Variants in CRBN observed in about 807,000 individuals in gnomAD.
The protein encoded by CRBN is protein cereblon.
In CRBN, 53 loss-of-function variants were observed where a neutral mutation model predicts 62.2. That is an observed-to-expected ratio of 0.85 (90% CI 0.68 to 1.07). CRBN has a LOEUF of 1.07. Among genes scored for constraint, CRBN ranks in the 50% least tolerant of loss-of-function variants. CRBN has a pLI of 0.00. For missense variants in CRBN, 616 were observed against 531.1 expected (o/e 1.16, Z -1.57); for synonymous variants, 208 against 176.1 (o/e 1.18, Z -1.43).
chr3:3,171,127 C>T (rs1707593724), intron 4 of CRBN, among the ~76,000 whole-genome samples: 1 of 152,080 alleles, frequency 6.6e-6, no homozygotes, highest in African/African-American at 2.4e-5. Context: ...TTACTAGAGT[C>T]AAAAATCCAT....
At chr3:3,170,781 T>C (rs1051265218) in intron 4 of CRBN, among the ~76,000 whole-genome samples, 1 of 152,180 alleles carries the variant, frequency 6.6e-6, no homozygotes, top group Non-Finnish European at 1.5e-5. Flanking sequence ...TTCCAAGTCT[T>C]GTCCACCTGT....
intron 4 of CRBN, chr3:3,172,345 C>A: frequency 5.7e-6 from 1 of 174,404 alleles, no homozygotes; most frequent in Non-Finnish European, 1.2e-5. Flanking sequence ...CTACAAAAAC[C>A]ACAGCTGTCC....
downstream of CRBN, chr3:3,149,729 T>G (rs1268113152): frequency 1.3e-5 from 2 of 152,180 alleles, no homozygotes; most frequent in African/African-American, 4.8e-5. Context: ...AATTTTCATT[T>G]ACTCTATTTA....
chr3:3,150,757 A>T lies in CRBN; in HGVS notation c.*108T>A. On this transcript the variant is annotated 3_prime_UTR_variant, in exon 11 of 11. Transcript: ENST00000231948. ...CCTCCAAGTAATGTTATGTTTACTT[A>T]GGTATTAATGTTATGTTTACTTAGG... The T allele has an allele frequency of 9.6e-7, 1 of 1,037,380 alleles. No homozygotes were observed. Among genetic ancestry groups the T allele is most frequent in the Non-Finnish European group, 1.4e-6 (1 of 702,392 alleles). 64.3% of individuals were successfully genotyped at this position (1,037,380 alleles called of 1,614,324 possible).
intron 4 of CRBN, among the ~76,000 whole-genome samples, chr3:3,169,213 T>C (rs1390743285): frequency 1.3e-5 from 2 of 152,178 alleles, no homozygotes; most frequent in African/African-American, 4.8e-5. Context: ...TAAGGAATGC[T>C]CTCCTTTACC....
chr3:3,158,875 A>C (rs148521498), intron 5 of CRBN, among the ~76,000 whole-genome samples: 1 of 152,306 alleles, frequency 6.6e-6, no homozygotes, highest in African/African-American at 2.4e-5. Context: ...CTTGAATTGT[A>C]GTTCCCATAA....
At chr3:3,155,041 T>A (rs1437640099) in intron 6 of CRBN, 1 of 586,514 alleles carries the variant, frequency 1.7e-6, no homozygotes. Context: ...CTTTTCTCAC[T>A]CACTGTCTTA....
At chr3:3,159,102 A>AGCC (rs1707031267) in intron 5 of CRBN, among the ~76,000 whole-genome samples, 1 of 152,188 alleles carries the variant, frequency 6.6e-6, no homozygotes, top group Non-Finnish European at 1.5e-5. Flanking sequence ...AGGCTTCCCT[A>AGCC]GCCATGCTGA....
At chr3:3,164,397 T>C (rs529798432) in intron 5 of CRBN, among the ~76,000 whole-genome samples, 1 of 152,334 alleles carries the variant, frequency 6.6e-6, no homozygotes, top group East Asian at 1.9e-4. Context: ...TTTAATGGTC[T>C]GGACAGAAGA....
chr3:3,172,818 C>G lies in CRBN; in HGVS notation c.485G>C (p.Arg162Thr), dbSNP rs929162196. The G allele has an allele frequency of 6.2e-7, 1 of 1,614,028 alleles. No homozygotes were observed. Among genetic ancestry groups the G allele is most frequent in the Non-Finnish European group, 8.5e-7 (1 of 1,179,906 alleles). ...TAGCTCAAGGACTTTGAACCTTTGT[C>G]TTCCAATTGCTTTCACTTTCACTAT... ...IEIVKVKAIG[R>T]QRFKVLELRT... Residue 162 changes from arginine (R) to threonine (T), a missense_variant, in exon 4 of 11, where the codon AGA becomes ACA. Coordinates refer to ENST00000231948, the MANE Select transcript of CRBN (RefSeq NM_016302.4).
At chr3:3,179,408 T>G (rs1707972990) in intron 1 of CRBN, among the ~76,000 whole-genome samples, 1 of 152,168 alleles carries the variant, frequency 6.6e-6, no homozygotes, top group Non-Finnish European at 1.5e-5. Flanking sequence ...CCCGACACCC[T>G]GGCTCACGGC....
chr3:3,167,390 T>C, intron 5 of CRBN: 1 of 394,646 alleles, frequency 2.5e-6, no homozygotes, highest in Non-Finnish European at 4.6e-6. Context: ...TCAAAAGCGA[T>C]TAATATAGCT....
chr3:3,171,858 G>T lies in CRBN; in HGVS notation c.527+918C>A, dbSNP rs576009643. On this transcript the variant is annotated intron_variant, in intron 4 of 10. Coordinates refer to ENST00000231948, the MANE Select transcript of CRBN (RefSeq NM_016302.4). ...AAGATACCACCTGGGCAACACAGAG[G>T]TCTGATGAGATTTTCAACTGTGGGT... 1.2e-4 allele frequency among the ~76,000 whole-genome samples: 18 copies of T among 152,274 alleles called. No homozygotes were observed. The East Asian group carries it at 3.3e-3, about 28-fold the overall frequency.
intron 4 of CRBN, 130 bp from the exon 5 acceptor site, chr3:3,167,923 A>G: frequency 2.5e-6 from 2 of 797,030 alleles, no homozygotes; most frequent in Non-Finnish European, 4.1e-6. Flanking sequence ...TATTCATCAA[A>G]TACTGATGTT....
chr3:3,151,890 C>G (rs1446954568), intron 10 of CRBN, among the ~76,000 whole-genome samples: 2 of 152,166 alleles, frequency 1.3e-5, no homozygotes. Context: ...CCTTCTTAGT[C>G]TATCATTGCT....
chr3:3,152,415 T>TA (rs753190367), intron 10 of CRBN, 41 bp downstream of exon 10: 31 of 1,582,238 alleles, frequency 2.0e-5, no homozygotes, highest in Middle Eastern at 1.7e-4. Context: ...CCAATTAAGG[T>TA]AAAAAAAGAA....
chr3:3,153,114 G>T, intron 9 of CRBN: 1 of 330,010 alleles, frequency 3.0e-6, no homozygotes, highest in Non-Finnish European at 5.7e-6. Flanking sequence ...AATTTCTGAA[G>T]CATCTATGTT....
rs752968990 is a variant in CRBN, at chr3:3,179,669, G to C, written c.19C>G (p.Gln7Glu). Residue 7 changes from glutamine (Q) to glutamate (E), a missense_variant, in exon 1 of 11, where the codon CAG (glutamine) becomes GAG (glutamate). By Grantham distance (29) the Gln-to-Glu change is conservative. Coordinates refer to ENST00000231948, the MANE Select transcript of CRBN (RefSeq NM_016302.4). MAGEGDQQDAAHNMGNH... is the reference protein window; with the variant it reads MAGEGDEQDAAHNMGNH... ...CCCATGTTGTGCGCAGCGTCCTGCTGATCTCCTTCGCCGGCCATGTCTGTT... is the reference window on the plus strand; with the variant it reads ...CCCATGTTGTGCGCAGCGTCCTGCTCATCTCCTTCGCCGGCCATGTCTGTT... 3.1e-6 allele frequency: 5 copies of C among 1,613,056 alleles called. No individual in the cohort carries two copies. Among genetic ancestry groups the C allele is most frequent in the African/African-American group, 1.3e-5 (1 of 75,050 alleles).
At chr3:3,173,946 T>C (rs1024790795) in intron 3 of CRBN, 113 bp downstream of exon 3, 2 of 919,210 alleles carry the variant, frequency 2.2e-6, no homozygotes, top group African/African-American at 3.3e-5. Flanking sequence ...CCTCACATTC[T>C]TACCCAACCT....
Sources: allele counts gnomAD v4.1 joint callset (sites outside exome capture counted in the v4.1 genomes callset), GRCh38; gene constraint gnomAD v4.1.1; transcripts MANE v1.5; gene names NCBI Gene and HGNC (gene_info 2026-07-23, HGNC 2026-07-21).